Variants in ROR1 observed in about 807,000 individuals in gnomAD.
ROR1 encodes inactive tyrosine-protein kinase transmembrane receptor ROR1.
In ROR1, 19 loss-of-function variants were observed where a neutral mutation model predicts 78.8. The ratio of observed to expected loss-of-function variants is 0.24; its 90% CI spans 0.17 to 0.35. The LOEUF is 0.35. Ranked by LOEUF, ROR1 falls within the 10% of genes least tolerant of loss-of-function variation. The pLI is 1.00. For missense variants in ROR1, 917 were observed against 1,177.8 expected (o/e 0.78, Z 3.24); for synonymous variants, 386 against 433.6 (o/e 0.89, Z 1.36).
intron 4 of ROR1, among the ~76,000 whole-genome samples, chr1:64,096,878 C>A (rs912467532): frequency 6.7e-6 from 1 of 148,174 alleles, no homozygotes; most frequent in Non-Finnish European, 1.5e-5. Flanking sequence ...ATACGCATTC[C>A]TTTTTTTCTC....
chr1:64,067,833 C>A (rs1007161736), intron 4 of ROR1, among the ~76,000 whole-genome samples: 1 of 151,676 alleles, frequency 6.6e-6, no homozygotes, highest in African/African-American at 2.4e-5. Flanking sequence ...CTGCCTCAGC[C>A]TCCTGAGTAG....
intron 4 of ROR1, among the ~76,000 whole-genome samples, chr1:64,098,349 C>T (rs114480629): frequency 1.5e-3 from 234 of 152,196 alleles, no homozygotes; most frequent in African/African-American, 5.3e-3. Context: ...GTTCAGGTAC[C>T]ACAAGGTCTT....
At chr1:63,913,176 T>G (rs1645584611) in intron 1 of ROR1, among the ~76,000 whole-genome samples, 1 of 152,186 alleles carries the variant, frequency 6.6e-6, no homozygotes, top group Non-Finnish European at 1.5e-5. Flanking sequence ...CAAAACTATC[T>G]CTAACCAGAT....
Position 64,177,577 on chromosome 1 carries a change from C to T in ROR1, c.1536C>T (p.Asn512=). 1 of 1,614,188 alleles carries T rather than the reference C, an allele frequency of 6.2e-7. No homozygotes were observed. Among genetic ancestry groups the T allele is most frequent in the Non-Finnish European group, 8.5e-7 (1 of 1,180,030 alleles). ...CTATCAAGACCTTGAAAGACTATAA[C>T]AACCCCCAGCAATGGACGGAATTTC... ...LVAIKTLKDY[N]NPQQWTEFQQ... The change falls in exon 9 of 9, where the codon AAC becomes AAT. Residue 512 remains asparagine (N), a synonymous_variant. Transcript: ENST00000371079.
At chr1:63,787,523 T>C (rs1286247952) in intron 1 of ROR1, among the ~76,000 whole-genome samples, 1 of 149,404 alleles carries the variant, frequency 6.7e-6, no homozygotes, top group Non-Finnish European at 1.5e-5. Context: ...TCCTTCCTTC[T>C]CTTTTTTTTT....
rs373367204 is a variant in ROR1 at position 64,030,893 on chromosome 1, A to G, written c.164-18798A>G. On this transcript the variant is annotated intron_variant, in intron 2 of 8. Transcript: ENST00000371079. ...TGTGTGTGTATGTATGTGTGTGTAC[A>G]TATGTATGTGTGTTTTGAGACAGGA... Among the ~76,000 whole-genome samples, 31 of 152,154 alleles carry G rather than the reference A, an allele frequency of 2.0e-4. 1 individual carries two copies. Among genetic ancestry groups the G allele is most frequent in the African/African-American group, 4.6e-4 (19 of 41,508 alleles).
At chr1:64,083,884 G>A (rs181272832) in intron 4 of ROR1, among the ~76,000 whole-genome samples, 2 of 152,204 alleles carry the variant, frequency 1.3e-5, no homozygotes, top group African/African-American at 2.4e-5. Flanking sequence ...GGAATGGCTG[G>A]TGAGCATACT....
chr1:64,031,873 G>A (rs1174188050), intron 2 of ROR1, among the ~76,000 whole-genome samples: 1 of 151,844 alleles, frequency 6.6e-6, no homozygotes, highest in African/African-American at 2.4e-5. Flanking sequence ...GTGTGCGTGT[G>A]CATGCACTAT....
At chr1:64,017,009 TCA>T (rs1024713483) in intron 2 of ROR1, among the ~76,000 whole-genome samples, 1 of 151,950 alleles carries the variant, frequency 6.6e-6, no homozygotes, top group African/African-American at 2.4e-5. Flanking sequence ...CCTCCATCTC[TCA>T]GTCTCAAGCA....
chr1:63,974,856 A>G (rs1414786069), intron 1 of ROR1, among the ~76,000 whole-genome samples: 1 of 152,078 alleles, frequency 6.6e-6, no homozygotes, highest in Non-Finnish European at 1.5e-5. Context: ...CACTACATTT[A>G]CTGAGGTATG....
intron 1 of ROR1, among the ~76,000 whole-genome samples, chr1:63,884,252 C>T (rs1224649921): frequency 6.6e-6 from 1 of 152,134 alleles, no homozygotes; most frequent in Non-Finnish European, 1.5e-5. Context: ...TTGCAGTCTG[C>T]CACCCCACCT....
At chr1:63,927,686 T>C (rs1239011498) in intron 1 of ROR1, among the ~76,000 whole-genome samples, 1 of 152,128 alleles carries the variant, frequency 6.6e-6, no homozygotes, top group Non-Finnish European at 1.5e-5. Flanking sequence ...TTCACACCAC[T>C]AGTAATTGGT....
At chr1:63,928,480 G>A (rs1347230153) in intron 1 of ROR1, among the ~76,000 whole-genome samples, 1 of 152,182 alleles carries the variant, frequency 6.6e-6, no homozygotes, top group Non-Finnish European at 1.5e-5. Context: ...GACGCAAGAC[G>A]CTAATATGGT....
rs145737861 is a variant in ROR1 at position 63,948,752 on chromosome 1, A to C, written c.92-60553A>C. 8.1e-4 allele frequency among the ~76,000 whole-genome samples: 123 copies of C among 152,340 alleles called. 1 individual carries two copies. The highest frequency in any genetic ancestry group is 3.5e-3 in the South Asian group (17 of 4,824). The stretch of plus-strand genomic sequence containing the variant: ...AATTGGATTAGTGTCCTTATAAAAG[A>C]AGGCCCAGAAAGCTCCCTTATTCTT... On this transcript the variant is annotated intron_variant, in intron 1 of 8. Transcript: ENST00000371079.
At chr1:63,992,661 G>C (rs1050742590) in intron 1 of ROR1, among the ~76,000 whole-genome samples, 1 of 152,124 alleles carries the variant, frequency 6.6e-6, no homozygotes, top group Admixed American at 6.5e-5. Context: ...GTTTAATTTG[G>C]CATCTTTTTA....
At chr1:63,987,698 A>C (rs146280778) in intron 1 of ROR1, among the ~76,000 whole-genome samples, 1 of 152,202 alleles carries the variant, frequency 6.6e-6, no homozygotes, top group African/African-American at 2.4e-5. Context: ...AATGTTCCTC[A>C]GTCGCCACTT....
intron 1 of ROR1, among the ~76,000 whole-genome samples, chr1:63,891,218 C>G (rs945067361): frequency 7.9e-5 from 12 of 152,278 alleles, no homozygotes; most frequent in Admixed American, 6.5e-4. Flanking sequence ...TTGTTTCCAT[C>G]TCTTTGCATC....
chr1:63,923,865 C>T (rs868533496), intron 1 of ROR1, among the ~76,000 whole-genome samples: 18 of 151,810 alleles, frequency 1.2e-4, no homozygotes, highest in Admixed American at 9.3e-4. Context: ...CTCACTGTGC[C>T]TCGGTCATGA....
intron 1 of ROR1, among the ~76,000 whole-genome samples, chr1:63,985,511 C>T (rs1027614430): frequency 5.3e-5 from 8 of 152,058 alleles, no homozygotes; most frequent in Non-Finnish European, 1.0e-4. Flanking sequence ...CATGATGCCA[C>T]AGGTGGAAAA....
Sources: gnomAD v4.1 joint callset for allele counts (sites outside exome capture counted in the v4.1 genomes callset) on GRCh38, gnomAD v4.1.1 for gene constraint, MANE v1.5 for transcripts, NCBI Gene and HGNC (gene_info 2026-07-23, HGNC 2026-07-21) for gene names.